Variants in ATP10D observed in about 807,000 individuals in gnomAD.
The protein encoded by ATP10D is ATPase phospholipid transporting 10D (putative).
ATP10D carries 89 observed loss-of-function variants against 144.8 expected under a neutral mutation model. The observed-to-expected ratio is 0.61, with a 90% CI of 0.52 to 0.73. ATP10D has a LOEUF of 0.73. ATP10D is among the 30% of genes least tolerant of loss of function. The probability of loss-of-function intolerance (pLI) is 0.00; values close to 1 mark genes in which losing one functional copy is unlikely to be tolerated. For missense variants in ATP10D, 1,603 were observed against 1,714.8 expected (o/e 0.93, Z 1.15); for synonymous variants, 571 against 615.1 (o/e 0.93, Z 1.06).
chr4:47,590,126 G>C (rs1168098999), intron 22 of ATP10D, among the ~76,000 whole-genome samples: 1 of 152,086 alleles, frequency 6.6e-6, no homozygotes, highest in Non-Finnish European at 1.5e-5. Flanking sequence ...AATACTGGCA[G>C]AAAAATTAGC....
At chr4:47,548,946 G>C (rs1001515263) in intron 10 of ATP10D, among the ~76,000 whole-genome samples, 2 of 152,176 alleles carry the variant, frequency 1.3e-5, no homozygotes, top group Admixed American at 1.3e-4. Context: ...ATGCCAGCTT[G>C]AGGGCATTCT....
At chr4:47,491,524 TG>T (rs952152266) in intron 1 of ATP10D, 26 of 532,128 alleles carry the variant, frequency 4.9e-5, no homozygotes, top group African/African-American at 4.0e-4. Flanking sequence ...ATCTTATAAA[TG>T]TCTGTATCAT....
chr4:47,567,718 A>G (rs1387424940), intron 15 of ATP10D, among the ~76,000 whole-genome samples: 13 of 152,314 alleles, frequency 8.5e-5, no homozygotes, highest in Non-Finnish European at 2.9e-5. Flanking sequence ...TTGGAGGTGT[A>G]TGGGATCAAA....
intron 1 of ATP10D, among the ~76,000 whole-genome samples, chr4:47,500,609 G>C (rs1340246816): frequency 2.0e-5 from 3 of 152,208 alleles, no homozygotes. Flanking sequence ...GAAGGGAGCT[G>C]CCATTAGCTG....
chr4:47,508,612 G>A (rs528753582), intron 1 of ATP10D, among the ~76,000 whole-genome samples: 1 of 152,334 alleles, frequency 6.6e-6, no homozygotes, highest in Admixed American at 6.5e-5. Flanking sequence ...CATTTAAAAC[G>A]GGTGAACTGC....
intron 5 of ATP10D, among the ~76,000 whole-genome samples, chr4:47,528,420 A>G (rs1160522965): frequency 6.7e-6 from 1 of 150,316 alleles, no homozygotes; most frequent in South Asian, 2.1e-4. Flanking sequence ...TGCAAAAGTC[A>G]TGATTTCATT....
chr4:47,492,357 T>C (rs2109381030), intron 1 of ATP10D, among the ~76,000 whole-genome samples: 1 of 152,338 alleles, frequency 6.6e-6, no homozygotes, highest in African/African-American at 2.4e-5. Flanking sequence ...TAGCTAATTA[T>C]ATTATCAGTA....
chr4:47,541,201 C>T (rs1718116712), intron 9 of ATP10D, among the ~76,000 whole-genome samples: 1 of 152,142 alleles, frequency 6.6e-6, no homozygotes, highest in Non-Finnish European at 1.5e-5. Flanking sequence ...AATGAGTTCT[C>T]TATAAATATA....
Position 47,500,946 on chromosome 4 carries a change from A to G in ATP10D, c.-37-11558A>G, listed in dbSNP as rs1293644060. 3.3e-5 allele frequency among the ~76,000 whole-genome samples: 5 copies of G among 152,350 alleles called. No individual in the cohort carries two copies. In the East Asian group the frequency reaches 5.8e-4, roughly 18 times the overall value. On this transcript the variant is annotated intron_variant, in intron 1 of 22. Transcript: ENST00000273859. ...TGATTGCAGGCAGTGTGAATGGCCA[A>G]CTTAAGAGTTTGCGGTCAGGACGTT...
chr4:47,497,922 C>T (rs1224967124), intron 1 of ATP10D, among the ~76,000 whole-genome samples: 1 of 152,166 alleles, frequency 6.6e-6, no homozygotes, highest in African/African-American at 2.4e-5. Context: ...AGCTGTTAAG[C>T]ATCTTTAAAA....
chr4:47,576,208 T>G (rs1720237942), intron 18 of ATP10D, among the ~76,000 whole-genome samples: 1 of 152,064 alleles, frequency 6.6e-6, no homozygotes, highest in Admixed American at 6.5e-5. Context: ...GGGGTCCCTT[T>G]TATAAAGAAA....
At chr4:47,491,412 C>T (rs1019049818) in intron 1 of ATP10D, 2 of 724,904 alleles carry the variant, frequency 2.8e-6, no homozygotes, top group Non-Finnish European at 5.0e-6. Flanking sequence ...TCTAAAAGGC[C>T]TAGAGAACAT....
chr4:47,564,098 G>A (rs1719468753), intron 15 of ATP10D, among the ~76,000 whole-genome samples: 1 of 152,058 alleles, frequency 6.6e-6, no homozygotes, highest in Non-Finnish European at 1.5e-5. Context: ...CACCTTGTTG[G>A]CCAGGCTGAT....
At chr4:47,494,906 A>G (rs1168126283) in intron 1 of ATP10D, among the ~76,000 whole-genome samples, 1 of 152,208 alleles carries the variant, frequency 6.6e-6, no homozygotes, top group Non-Finnish European at 1.5e-5. Context: ...TTTCACAACT[A>G]ATTTTCAGAA....
intron 1 of ATP10D, among the ~76,000 whole-genome samples, chr4:47,504,807 A>AT (rs1491119372): frequency 6.6e-6 from 1 of 152,218 alleles, no homozygotes; most frequent in African/African-American, 2.4e-5. Context: ...GGAGACTTTC[A>AT]TATCATAAGT....
intron 5 of ATP10D, among the ~76,000 whole-genome samples, chr4:47,530,508 G>A (rs909916963): frequency 2.0e-5 from 3 of 152,110 alleles, no homozygotes; most frequent in African/African-American, 7.2e-5. Context: ...CCAGGCTAGA[G>A]CAGAGTGGTG....
chr4:47,556,590 A>C (rs1719004346), intron 11 of ATP10D: 2 of 152,208 alleles, frequency 1.3e-5, no homozygotes, highest in South Asian at 4.1e-4. Flanking sequence ...TAATGATAGA[A>C]GGGCAGTGAA....
chr4:47,491,173 T>G (rs779309603), intron 1 of ATP10D: 3 of 743,098 alleles, frequency 4.0e-6, no homozygotes, highest in Non-Finnish European at 2.5e-6. Context: ...CCTATTAGAG[T>G]GCTTAATGTG....
chr4:47,567,896 G>A (rs1383278399), intron 15 of ATP10D, among the ~76,000 whole-genome samples: 2 of 152,208 alleles, frequency 1.3e-5, no homozygotes, highest in Non-Finnish European at 2.9e-5. Context: ...AACAAGCTTT[G>A]AGTGAGAGCT....
Sources: gnomAD v4.1 joint callset for allele counts (sites outside exome capture counted in the v4.1 genomes callset) on GRCh38, gnomAD v4.1.1 for gene constraint, MANE v1.5 for transcripts, NCBI Gene and HGNC (gene_info 2026-07-23, HGNC 2026-07-21) for gene names.